PKD2L2: variants seen among roughly 807,000 people sequenced by gnomAD.
The protein encoded by PKD2L2 is polycystin-2-like protein 2.
PKD2L2 carries 67 observed loss-of-function variants against 83.9 expected under a neutral mutation model. The ratio of observed to expected loss-of-function variants is 0.80; its 90% CI spans 0.66 to 0.98. PKD2L2 has a LOEUF of 0.98. Ranked by LOEUF, PKD2L2 falls within the 50% of genes least tolerant of loss-of-function variation. PKD2L2 has a pLI of 0.00. For missense variants in PKD2L2, 632 were observed against 717.2 expected (o/e 0.88, Z 1.36); for synonymous variants, 223 against 237.8 (o/e 0.94, Z 0.57).
intron 7 of PKD2L2, 140 bp from the exon 8 acceptor site, chr5:137,908,625 T>C: frequency 1.8e-6 from 1 of 547,666 alleles, no homozygotes; most frequent in Non-Finnish European, 3.1e-6. Context: ...CTTGTAATGA[T>C]TGCTGGGAAA....
chr5:137,902,764 TAC>T (rs1320620115), intron 5 of PKD2L2, among the ~76,000 whole-genome samples: 1 of 152,194 alleles, frequency 6.6e-6, no homozygotes, highest in Non-Finnish European at 1.5e-5. Context: ...AAGCGTAAGA[TAC>T]TAAGCTAACA....
intron 8 of PKD2L2, among the ~76,000 whole-genome samples, chr5:137,910,917 C>T (rs183338892): frequency 6.6e-6 from 1 of 152,174 alleles, no homozygotes; most frequent in Admixed American, 6.5e-5. Flanking sequence ...AAGCTATTTG[C>T]CCTGAAGGCA....
chr5:137,941,501 C>A (rs1176968451), intron 14 of PKD2L2, among the ~76,000 whole-genome samples: 2 of 152,174 alleles, frequency 1.3e-5, no homozygotes, highest in African/African-American at 4.8e-5. Context: ...GAGCCACATG[C>A]CTGGCACACT....
chr5:137,930,778 TAA>T (rs768327691), intron 12 of PKD2L2, among the ~76,000 whole-genome samples: 12 of 149,122 alleles, frequency 8.0e-5, no homozygotes, highest in Non-Finnish European at 1.3e-4. Flanking sequence ...AGAGGAAAAT[TAA>T]GTCTTAAATT....
At chr5:137,935,244 A>G (rs1760228003) in intron 12 of PKD2L2, among the ~76,000 whole-genome samples, 1 of 152,218 alleles carries the variant, frequency 6.6e-6, no homozygotes, top group Non-Finnish European at 1.5e-5. Flanking sequence ...GGTGGTAGTG[A>G]GAACAGTGCA....
chr5:137,926,406 C>T (rs1440571314), intron 12 of PKD2L2, among the ~76,000 whole-genome samples: 1 of 151,902 alleles, frequency 6.6e-6, no homozygotes, highest in Non-Finnish European at 1.5e-5. Flanking sequence ...CTGGTCACCA[C>T]CTCTCCCCTC....
chr5:137,891,000 G>A (rs1272044559), intron 2 of PKD2L2, among the ~76,000 whole-genome samples: 2 of 152,132 alleles, frequency 1.3e-5, no homozygotes, highest in Non-Finnish European at 2.9e-5. Flanking sequence ...CCATTAGCTT[G>A]GTTCTTTTCA....
chr5:137,901,136 CA>C (rs368207131), intron 5 of PKD2L2, among the ~76,000 whole-genome samples: 250 of 118,218 alleles, frequency 2.1e-3, no homozygotes, highest in Non-Finnish European at 1.9e-3. Context: ...AACTGTGTCT[CA>C]AAAAAAAAAA....
chr5:137,939,797 C>G (rs1406685849), intron 14 of PKD2L2: 3 of 1,161,886 alleles, frequency 2.6e-6, no homozygotes, highest in African/African-American at 3.2e-5. Flanking sequence ...AATTTTCAGT[C>G]ATTCTGTAAG....
chr5:137,907,481 C>T (rs700608), intron 6 of PKD2L2, among the ~76,000 whole-genome samples: 149,363 of 152,332 alleles, frequency 0.98, 73,298 homozygotes, highest in Middle Eastern at 1. Flanking sequence ...TATACATTTG[C>T]GCTTTATGAC....
intron 4 of PKD2L2, 105 bp from the exon 5 acceptor site, chr5:137,899,411 T>C: frequency 1.3e-6 from 1 of 788,728 alleles, no homozygotes; most frequent in Non-Finnish European, 2.1e-6. Context: ...GCCAGCGCAC[T>C]TGGCCAAAAA....
intron 8 of PKD2L2, among the ~76,000 whole-genome samples, chr5:137,920,179 C>T (rs148745404): frequency 4.6e-5 from 7 of 152,100 alleles, no homozygotes; most frequent in Admixed American, 2.6e-4. Context: ...CTCCAGTCTG[C>T]GTGATAAGAG....
In PKD2L2 at chr5:137,910,770, C is replaced by T. The variant is rs185131459; in HGVS notation, c.1328+1824C>T. On this transcript the variant is annotated intron_variant, in intron 8 of 14. Transcript: ENST00000508883. ...CTCCAGCCTGGGCGACAGAATGAGA[C>T]TCTGTCTCAAAAAAAAAAGAAAAAC... Among the ~76,000 whole-genome samples the T allele has an allele frequency of 2.2e-3, 302 of 137,076 alleles. 1 individual carries two copies. The highest frequency in any genetic ancestry group is 7.0e-3 in the African/African-American group (261 of 37,024). 89.9% of individuals were successfully genotyped at this position (137,076 alleles called of 152,430 possible). A position where few individuals can be genotyped will look rare whatever the true frequency, so the allele number is the denominator to read the frequency against.
chr5:137,903,336 C>G (rs1426432910), intron 5 of PKD2L2, among the ~76,000 whole-genome samples: 3 of 152,154 alleles, frequency 2.0e-5, no homozygotes, highest in East Asian at 1.9e-4. Context: ...GTGTTTGAGT[C>G]CAGCATCAAG....
intron 6 of PKD2L2, among the ~76,000 whole-genome samples, chr5:137,907,514 A>G (rs1001082221): frequency 6.6e-6 from 1 of 152,204 alleles, no homozygotes; most frequent in African/African-American, 2.4e-5. Context: ...AGATTTAGAT[A>G]GGTTAGGATG....
At position 137,899,672 on chromosome 5, in the gene PKD2L2, G is replaced by T. The variant is rs771293514; in HGVS notation, c.681G>T (p.Gly227=). 1.9e-6 allele frequency: 3 copies of T among 1,613,142 alleles called. No individual in the cohort carries two copies. The highest frequency in any genetic ancestry group is 2.5e-6 in the Non-Finnish European group (3 of 1,179,188). Residue 227 remains glycine (G), a synonymous_variant, in exon 5 of 15, where the codon GGG becomes GGT. Coordinates refer to ENST00000508883, the MANE Select transcript of PKD2L2 (RefSeq NM_001300921.2). ...DLRLNSWITR[G]TRVIFIDFSL... is the part of the protein sequence containing the mutation. ...GACTGAACAGCTGGATCACAAGAGG[G>T]ACTAGAGTTATTTTTATTGATTTTT...
chr5:137,933,048 A>AC (rs1182210873), intron 12 of PKD2L2, among the ~76,000 whole-genome samples: 29 of 99,004 alleles, frequency 2.9e-4, no homozygotes, highest in African/African-American at 1.3e-3. Flanking sequence ...AACAAAACAA[A>AC]CCAAAAAAAA....
intron 8 of PKD2L2, among the ~76,000 whole-genome samples, chr5:137,910,435 A>T (rs79667072): frequency 0.023 from 3,461 of 151,796 alleles, 113 homozygotes; most frequent in African/African-American, 0.079. Context: ...TTTGGTAAGG[A>T]TATGTTAGGT....
At chr5:137,896,119 T>C (rs1418082801) in intron 4 of PKD2L2, among the ~76,000 whole-genome samples, 2 of 151,328 alleles carry the variant, frequency 1.3e-5, no homozygotes, top group Non-Finnish European at 2.9e-5. Flanking sequence ...ACAGGTTGCA[T>C]TGAGCCAAGA....
Sources: allele counts gnomAD v4.1 joint callset (sites outside exome capture counted in the v4.1 genomes callset), GRCh38; gene constraint gnomAD v4.1.1; transcripts MANE v1.5; gene names NCBI Gene and HGNC (gene_info 2026-07-23, HGNC 2026-07-21).